MAGI2: variants seen among roughly 807,000 people sequenced by gnomAD.
MAGI2 encodes membrane associated guanylate kinase, WW and PDZ domain containing 2, also known as membrane-associated guanylate kinase, WW and PDZ domain-containing protein 2.
Under a neutral mutation model 133.3 loss-of-function variants are expected in MAGI2, and 35 were observed. The ratio of observed to expected loss-of-function variants is 0.26; its 90% CI spans 0.20 to 0.35. The LOEUF (loss-of-function observed/expected upper bound fraction) is 0.35, where lower values mean the gene tolerates loss of function less well. MAGI2 is among the 10% of genes least tolerant of loss of function. The pLI is 1.00. For synonymous variants in MAGI2, 729 were observed against 710.6 expected (o/e 1.03, Z -0.41); for missense variants, 1,636 against 1,863.4 (o/e 0.88, Z 2.25).
At chr7:78,555,177 T>A (rs974668870) in intron 3 of MAGI2, among the ~76,000 whole-genome samples, 3 of 132,024 alleles carry the variant, frequency 2.3e-5, no homozygotes, top group African/African-American at 7.8e-5. Context: ...AATAAATGAA[T>A]GATAGAGGAC....
At chr7:78,038,170 T>C (rs1423180158) in intron 21 of MAGI2, among the ~76,000 whole-genome samples, 1 of 152,234 alleles carries the variant, frequency 6.6e-6, no homozygotes, top group Non-Finnish European at 1.5e-5. Context: ...GGGATCTGTC[T>C]TGTTCACTGT....
chr7:78,814,761 C>T (rs896992465), intron 2 of MAGI2, among the ~76,000 whole-genome samples: 1 of 152,142 alleles, frequency 6.6e-6, no homozygotes, highest in Non-Finnish European at 1.5e-5. Context: ...CTCACTCTGT[C>T]TCCCAGGATG....
chr7:79,426,356 C>T (rs1453310413), intron 1 of MAGI2, among the ~76,000 whole-genome samples: 2 of 151,994 alleles, frequency 1.3e-5, no homozygotes, highest in African/African-American at 2.4e-5. Flanking sequence ...TGTTTTCTTT[C>T]GCGGCATTTT....
At chr7:78,434,145 A>C (rs552542312) in intron 6 of MAGI2, among the ~76,000 whole-genome samples, 1 of 152,320 alleles carries the variant, frequency 6.6e-6, no homozygotes, top group East Asian at 1.9e-4. Context: ...TTAGCTCTTT[A>C]ATGCTTGAGC....
At chr7:78,670,200 A>T (rs1469281614) in intron 2 of MAGI2, among the ~76,000 whole-genome samples, 2 of 152,168 alleles carry the variant, frequency 1.3e-5, no homozygotes, top group Non-Finnish European at 2.9e-5. Context: ...AATCTTCTTA[A>T]GCTGATAAGC....
intron 2 of MAGI2, among the ~76,000 whole-genome samples, chr7:78,687,494 T>C (rs890599872): frequency 2.6e-5 from 4 of 152,212 alleles, no homozygotes; most frequent in Admixed American, 6.5e-5. Context: ...ACAGAAGAGA[T>C]AGATACTCAG....
intron 2 of MAGI2, among the ~76,000 whole-genome samples, chr7:78,955,847 A>G (rs1802334596): frequency 6.8e-6 from 1 of 148,030 alleles, no homozygotes; most frequent in South Asian, 2.1e-4. Context: ...CTGAGGTCTC[A>G]CAGATTTTTG....
chr7:79,235,008 T>A (rs1221022000), intron 1 of MAGI2, among the ~76,000 whole-genome samples: 3 of 151,794 alleles, frequency 2.0e-5, no homozygotes, highest in Non-Finnish European at 4.4e-5. Flanking sequence ...GTTTTCCTTC[T>A]AACAGACAGT....
chr7:79,338,777 A>C (rs1009403066), intron 1 of MAGI2, among the ~76,000 whole-genome samples: 5 of 152,118 alleles, frequency 3.3e-5, no homozygotes, highest in Non-Finnish European at 7.4e-5. Context: ...GTTCCCCTAA[A>C]TACCAATGTC....
intron 1 of MAGI2, among the ~76,000 whole-genome samples, chr7:79,287,766 C>A (rs1168789542): frequency 6.6e-6 from 1 of 152,082 alleles, no homozygotes; most frequent in Non-Finnish European, 1.5e-5. Flanking sequence ...GTTAAAAATA[C>A]ACCAGATGAT....
In MAGI2 at chr7:78,100,215, C is replaced by T. The variant is rs535529163; in HGVS notation, c.3568-21130G>A. Reference sequence around the variant, plus strand: ...CTCAGAGTGTCCAATATCTACTATTCAGTGTCACCATCCCAACTCCTACTT... The same window carrying T: ...CTCAGAGTGTCCAATATCTACTATTTAGTGTCACCATCCCAACTCCTACTT... On this transcript the variant is annotated intron_variant, in intron 20 of 21. Coordinates refer to ENST00000354212, the MANE Select transcript of MAGI2 (RefSeq NM_012301.4). 2.0e-5 allele frequency among the ~76,000 whole-genome samples: 3 copies of T among 152,306 alleles called. No individual in the cohort carries two copies. The South Asian group carries it at 6.2e-4, about 32-fold the overall frequency.
intron 1 of MAGI2, among the ~76,000 whole-genome samples, chr7:79,063,673 C>G: frequency 6.6e-6 from 1 of 152,046 alleles, no homozygotes; most frequent in Admixed American, 6.6e-5. Context: ...TGAAATCAAA[C>G]AGTTGAATTT....
chr7:79,095,318 C>G (rs1817427474), intron 1 of MAGI2, among the ~76,000 whole-genome samples: 1 of 152,184 alleles, frequency 6.6e-6, no homozygotes, highest in Non-Finnish European at 1.5e-5. Flanking sequence ...TTCTCTATAT[C>G]AGCAATAAGG....
At chr7:78,039,349 C>G (rs1810565618) in intron 21 of MAGI2, among the ~76,000 whole-genome samples, 1 of 152,162 alleles carries the variant, frequency 6.6e-6, no homozygotes, top group African/African-American at 2.4e-5. Context: ...TTCTGGGGAC[C>G]AAAGACTAAG....
At chr7:78,376,037 G>A (rs1275657805) in intron 6 of MAGI2, among the ~76,000 whole-genome samples, 1 of 88,322 alleles carries the variant, frequency 1.1e-5, no homozygotes, top group African/African-American at 4.5e-5. Context: ...AGTAAATCCT[G>A]AATATATTCT....
At chr7:78,411,427 T>C (rs903940919) in intron 6 of MAGI2, among the ~76,000 whole-genome samples, 2 of 152,068 alleles carry the variant, frequency 1.3e-5, no homozygotes, top group Non-Finnish European at 2.9e-5. Context: ...CTTTTCTTAA[T>C]ACTTAGAATG....
Position 78,592,254 on chromosome 7 carries a change from G to A in MAGI2, c.538+34866C>T, listed in dbSNP as rs563170818. Among the ~76,000 whole-genome samples, 20 of 152,212 alleles carry A rather than the reference G, an allele frequency of 1.3e-4. No individual in the cohort carries two copies. The South Asian group carries it at 4.2e-3, about 32-fold the overall frequency. ...ATTTTTAAAAAGTATTCTCTATATA[G>A]GTATTGTTGTGATATTTCAGAGCGC... On this transcript the variant is annotated intron_variant, in intron 3 of 21. Transcript: ENST00000354212.
At chr7:79,039,428 T>A (rs533081207) in intron 1 of MAGI2, among the ~76,000 whole-genome samples, 30 of 152,252 alleles carry the variant, frequency 2.0e-4, no homozygotes, top group African/African-American at 7.0e-4. Flanking sequence ...TTCTTTTTTT[T>A]AATAAAAAGT....
At chr7:78,840,492 T>A (rs1175156144) in intron 2 of MAGI2, among the ~76,000 whole-genome samples, 1 of 152,034 alleles carries the variant, frequency 6.6e-6, no homozygotes, top group Non-Finnish European at 1.5e-5. Context: ...AGATCCCAGG[T>A]GATACTGATG....
Sources: gnomAD v4.1 joint callset for allele counts (sites outside exome capture counted in the v4.1 genomes callset) on GRCh38, gnomAD v4.1.1 for gene constraint, MANE v1.5 for transcripts, NCBI Gene and HGNC (gene_info 2026-07-23, HGNC 2026-07-21) for gene names.